LARGE1: variants seen among roughly 807,000 people sequenced by gnomAD.
The protein encoded by LARGE1 is LARGE xylosyl- and glucuronyltransferase 1.
Under a neutral mutation model 87.6 loss-of-function variants are expected in LARGE1, and 43 were observed. That is an observed-to-expected ratio of 0.49 (90% confidence interval 0.38 to 0.63). The LOEUF (loss-of-function observed/expected upper bound fraction) is 0.63, where lower values mean the gene tolerates loss of function less well. Ranked by LOEUF, LARGE1 falls within the 30% of genes least tolerant of loss-of-function variation. The probability of loss-of-function intolerance (pLI) is 0.00; values close to 1 mark genes in which losing one functional copy is unlikely to be tolerated. For missense variants in LARGE1, 802 were observed against 1,000.2 expected (o/e 0.80, Z 2.67); for synonymous variants, 434 against 394.6 (o/e 1.10, Z -1.18).
intron 5 of LARGE1, among the ~76,000 whole-genome samples, chr22:33,594,788 G>A (rs200408230): frequency 6.6e-6 from 1 of 152,232 alleles, no homozygotes; most frequent in East Asian, 1.9e-4. Context: ...TGCATTTTTA[G>A]TAGAGACAGA....
intron 11 of LARGE1, among the ~76,000 whole-genome samples, chr22:33,246,444 G>A (rs1355176891): frequency 2.0e-5 from 3 of 152,078 alleles, no homozygotes; most frequent in Admixed American, 6.6e-5. Context: ...CCAGGAGTTC[G>A]AGACCAGTCT....
chr22:33,772,385 CTT>C (rs1450095391), intron 1 of LARGE1, among the ~76,000 whole-genome samples: 1 of 152,070 alleles, frequency 6.6e-6, no homozygotes, highest in Non-Finnish European at 1.5e-5. Context: ...AATCCAAACT[CTT>C]TGCTCCACCT....
At chr22:33,837,145 T>C (rs1205163677) in intron 1 of LARGE1, among the ~76,000 whole-genome samples, 1 of 152,046 alleles carries the variant, frequency 6.6e-6, no homozygotes, top group Non-Finnish European at 1.5e-5. Flanking sequence ...ATGATTGTGA[T>C]TGAAATGCCA....
chr22:33,283,074 G>A (rs1930771374), intron 13 of LARGE1, 128 bp downstream of exon 13: 1 of 1,172,902 alleles, frequency 8.5e-7, no homozygotes, highest in Admixed American at 1.7e-5. Flanking sequence ...AGAAAGCGGT[G>A]CTTTCCTGGC....
rs576740498 is a variant in LARGE1 at position 33,228,663 on chromosome 22, C to G, written c.1731-61831G>C. Among the ~76,000 whole-genome samples the G allele has an allele frequency of 2.0e-5, 3 of 152,240 alleles. No individual in the cohort carries two copies. The South Asian group carries it at 6.2e-4, about 32-fold the overall frequency. ...TCTGCAATACCAGCTTTGCTCCTGG[C>G]CTTTATGCTGAGCTCAAAGGAAAGA... On this transcript the variant is annotated intron_variant, in intron 11 of 11. Coordinates refer to the LARGE1 transcript ENST00000608642.
chr22:33,270,086 C>G (rs1378527217), downstream of LARGE1, among the ~76,000 whole-genome samples: 1 of 152,002 alleles, frequency 6.6e-6, no homozygotes, highest in East Asian at 1.9e-4. Flanking sequence ...TCAGAAACCC[C>G]ACATTTTTGT....
chr22:33,373,847 G>A (rs747780387), intron 9 of LARGE1, among the ~76,000 whole-genome samples: 140 of 151,936 alleles, frequency 9.2e-4, no homozygotes, highest in Non-Finnish European at 1.2e-3. Flanking sequence ...GGTGGCACGC[G>A]CTTGTAGTTC....
At chr22:33,073,909 T>C in the LARGE1 span, among the ~76,000 whole-genome samples, 2 of 152,122 alleles carry the variant, frequency 1.3e-5, no homozygotes, top group African/African-American at 4.8e-5. Context: ...AGTAATACCA[T>C]TCCTATAATC....
intron 2 of LARGE1, among the ~76,000 whole-genome samples, chr22:33,714,444 T>G (rs760993003): frequency 6.6e-6 from 1 of 152,102 alleles, no homozygotes; most frequent in Non-Finnish European, 1.5e-5. Context: ...TTACACTCAC[T>G]TAGTAGAATT....
intron 1 of LARGE1, among the ~76,000 whole-genome samples, chr22:33,811,036 C>T (rs1033454704): frequency 2.6e-5 from 4 of 152,092 alleles, no homozygotes; most frequent in Non-Finnish European, 4.4e-5. Context: ...ACCTAACCTG[C>T]CCCCGACTCA....
At chr22:33,818,011 C>G (rs1330839389) in intron 1 of LARGE1, among the ~76,000 whole-genome samples, 4 of 152,084 alleles carry the variant, frequency 2.6e-5, no homozygotes, top group Admixed American at 2.6e-4. Flanking sequence ...CCTTTACAGG[C>G]AGATGACCTA....
chr22:33,093,822 CTTTTTTTT>C, the LARGE1 span, among the ~76,000 whole-genome samples: 6 of 81,578 alleles, frequency 7.4e-5, no homozygotes, highest in East Asian at 1.0e-3. Context: ...TTCTTTCTTT[CTTTTTTTT>C]TTTTTTTTTT....
chr22:33,389,171 T>C (rs1164142205), intron 7 of LARGE1, among the ~76,000 whole-genome samples: 14 of 151,836 alleles, frequency 9.2e-5, no homozygotes, highest in Non-Finnish European at 2.9e-5. Flanking sequence ...AGAACTAGAG[T>C]GTATCATGGC....
At chr22:33,800,448 T>C (rs1190737325) in intron 1 of LARGE1, among the ~76,000 whole-genome samples, 1 of 152,232 alleles carries the variant, frequency 6.6e-6, no homozygotes, top group African/African-American at 2.4e-5. Context: ...TGTGTAGTTC[T>C]ATGAAATATT....
intron 2 of LARGE1, among the ~76,000 whole-genome samples, chr22:33,741,796 C>T (rs961414171): frequency 3.3e-5 from 5 of 152,166 alleles, no homozygotes; most frequent in African/African-American, 9.7e-5. Context: ...AATCACCTTG[C>T]AAGAAATCCA....
chr22:33,375,475 CTG>C (rs1430539356), intron 9 of LARGE1, among the ~76,000 whole-genome samples: 1 of 148,724 alleles, frequency 6.7e-6, no homozygotes, highest in Non-Finnish European at 1.5e-5. Flanking sequence ...TGGTGAAACT[CTG>C]TCTCTCCTAA....
chr22:33,432,288 A>C, intron 6 of LARGE1, 23 bp from the exon 7 acceptor site: 1 of 1,584,684 alleles, frequency 6.3e-7, no homozygotes, highest in Non-Finnish European at 8.7e-7. Context: ...GAGAATACAA[A>C]CATCTTAAAA....
At chr22:33,444,292 A>C (rs750160854) in intron 6 of LARGE1, among the ~76,000 whole-genome samples, 13 of 152,250 alleles carry the variant, frequency 8.5e-5, no homozygotes, top group Non-Finnish European at 1.3e-4. Flanking sequence ...TGAATTGTTA[A>C]ATTGTAAAAT....
intron 2 of LARGE1, among the ~76,000 whole-genome samples, chr22:33,755,444 C>T (rs1294104417): frequency 7.9e-5 from 12 of 152,114 alleles, no homozygotes; most frequent in East Asian, 1.9e-4. Context: ...GTTTTCTGAA[C>T]GGCTGAAAAG....
Sources: allele counts gnomAD v4.1 joint callset (sites outside exome capture counted in the v4.1 genomes callset), GRCh38; gene constraint gnomAD v4.1.1; transcripts MANE v1.5; gene names NCBI Gene and HGNC (gene_info 2026-07-23, HGNC 2026-07-21).